MACROD2: variants seen among roughly 807,000 people sequenced by gnomAD.
MACROD2 encodes ADP-ribose glycohydrolase MACROD2.
MACROD2 carries 36 observed loss-of-function variants against 70.4 expected under a neutral mutation model. The ratio of observed to expected loss-of-function variants is 0.51; its 90% CI spans 0.39 to 0.68. The LOEUF is 0.68. Among genes scored for constraint, MACROD2 ranks in the 30% least tolerant of loss-of-function variants. MACROD2 has a pLI of 0.00. For synonymous variants in MACROD2, 172 were observed against 178.8 expected, an observed-to-expected ratio of 0.96 and a Z score of 0.30; for missense variants, 496 against 538.4, an observed-to-expected ratio of 0.92 and a Z score of 0.78.
intron 2 of MACROD2, among the ~76,000 whole-genome samples, chr20:14,049,693 C>T (rs917224748): frequency 6.6e-6 from 1 of 151,076 alleles, no homozygotes; most frequent in African/African-American, 2.4e-5. Flanking sequence ...GCAGAGGTTA[C>T]AGTGAGCCGA....
chr20:15,801,562 A>C (rs2063727061), intron 8 of MACROD2, among the ~76,000 whole-genome samples: 1 of 151,826 alleles, frequency 6.6e-6, no homozygotes, highest in South Asian at 2.1e-4. Flanking sequence ...TAATCTACGC[A>C]TCTGTTTTTA....
chr20:15,747,100 T>A (rs2051195113), intron 8 of MACROD2, among the ~76,000 whole-genome samples: 1 of 152,122 alleles, frequency 6.6e-6, no homozygotes, highest in Non-Finnish European at 1.5e-5. Flanking sequence ...TGGAAGGTAT[T>A]GAGTACTGAG....
intron 13 of MACROD2, among the ~76,000 whole-genome samples, chr20:15,984,633 C>A (rs1258498654): frequency 1.4e-5 from 1 of 69,076 alleles, no homozygotes; most frequent in Non-Finnish European, 3.7e-5. Flanking sequence ...ATTTTGCCTC[C>A]CCCCCCCGCC....
intron 8 of MACROD2, among the ~76,000 whole-genome samples, chr20:15,607,366 A>G (rs925166322): frequency 6.6e-6 from 1 of 152,208 alleles, no homozygotes; most frequent in African/African-American, 2.4e-5. Flanking sequence ...TGCTTGGGAA[A>G]TTGCAGAGAT....
intron 8 of MACROD2, among the ~76,000 whole-genome samples, chr20:15,616,737 C>T (rs1389178622): frequency 3.3e-5 from 5 of 152,302 alleles, no homozygotes; most frequent in South Asian, 2.1e-4. Flanking sequence ...TAGTAAAACT[C>T]TTCTTCCAGT....
At chr20:14,619,674 C>T (rs1319798303) in intron 4 of MACROD2, among the ~76,000 whole-genome samples, 7 of 152,034 alleles carry the variant, frequency 4.6e-5, no homozygotes, top group Non-Finnish European at 7.4e-5. Context: ...TCTTTTGGAG[C>T]TTATTGATAA....
At chr20:15,616,554 C>A (rs1250510968) in intron 8 of MACROD2, among the ~76,000 whole-genome samples, 1 of 152,164 alleles carries the variant, frequency 6.6e-6, no homozygotes, top group Non-Finnish European at 1.5e-5. Context: ...CCTCAGCAGG[C>A]CTGTTACTCT....
At chr20:15,460,317 C>T (rs187980878) in intron 7 of MACROD2, among the ~76,000 whole-genome samples, 6 of 152,146 alleles carry the variant, frequency 3.9e-5, no homozygotes, top group East Asian at 1.9e-4. Flanking sequence ...ACATCCTTCA[C>T]CCTGGCAGTG....
chr20:15,162,530 G>T (rs1284875596), intron 5 of MACROD2, among the ~76,000 whole-genome samples: 1 of 152,072 alleles, frequency 6.6e-6, no homozygotes, highest in African/African-American at 2.4e-5. Flanking sequence ...CTAAAACTCA[G>T]AATTCTTCTT....
intron 12 of MACROD2, among the ~76,000 whole-genome samples, chr20:15,959,889 T>C: frequency 6.6e-6 from 1 of 152,154 alleles, no homozygotes; most frequent in East Asian, 1.9e-4. Flanking sequence ...TTAAAGTACA[T>C]ATACACATTA....
At chr20:15,317,921 A>T (rs2077831584) in intron 6 of MACROD2, among the ~76,000 whole-genome samples, 1 of 152,066 alleles carries the variant, frequency 6.6e-6, no homozygotes, top group Admixed American at 6.6e-5. Flanking sequence ...GTTTGGCCAA[A>T]TGTCTGGGAC....
chr20:14,460,196 G>A (rs1458118591), intron 3 of MACROD2, among the ~76,000 whole-genome samples: 1 of 152,098 alleles, frequency 6.6e-6, no homozygotes, highest in Non-Finnish European at 1.5e-5. Flanking sequence ...ACGTGTGCAT[G>A]TGTCTTTATA....
intron 3 of MACROD2, among the ~76,000 whole-genome samples, chr20:14,363,848 A>AATAAGATT (rs1233093831): frequency 3.9e-5 from 5 of 127,098 alleles, no homozygotes; most frequent in African/African-American, 1.5e-4. Context: ...AAAAAAAAAA[A>AATAAGATT]ATAAGATTAT....
intron 8 of MACROD2, among the ~76,000 whole-genome samples, chr20:15,696,440 G>A (rs1478998290): frequency 6.6e-6 from 1 of 152,176 alleles, no homozygotes. Flanking sequence ...GTTGGATTCA[G>A]TTAGCTTGTA....
rs114308835 is a variant in MACROD2 at position 14,368,406 on chromosome 20, G to A, written c.272-125073G>A. On this transcript the variant is annotated intron_variant, in intron 3 of 17. Coordinates refer to ENST00000684519, the MANE Select transcript of MACROD2 (RefSeq NM_001351661.2). ...GAAATACCAAAAATTAGCTGAGTGC[G>A]GTGGCGGGTGCCTGTAGTCCCAGCT... Among the ~76,000 whole-genome samples, 1,508 of 152,178 alleles carry A rather than the reference G, an allele frequency of 9.9e-3. 17 individuals are homozygous for A. The highest frequency in any genetic ancestry group is 0.026 in the African/African-American group (1,076 of 41,532).
chr20:15,281,497 A>C (rs1024650103), intron 6 of MACROD2, among the ~76,000 whole-genome samples: 16 of 152,196 alleles, frequency 1.1e-4, no homozygotes, highest in African/African-American at 3.9e-4. Context: ...GAAATTGGCC[A>C]AAACAAAGAG....
At chr20:14,502,502 T>A (rs1224419239) in intron 4 of MACROD2, among the ~76,000 whole-genome samples, 3 of 152,202 alleles carry the variant, frequency 2.0e-5, no homozygotes, top group African/African-American at 7.2e-5. Context: ...TTTTGTATAC[T>A]AGTTTCCTGT....
At chr20:14,584,309 G>A (rs1981230667) in intron 4 of MACROD2, among the ~76,000 whole-genome samples, 1 of 151,878 alleles carries the variant, frequency 6.6e-6, no homozygotes, top group East Asian at 2.0e-4. Context: ...CACCAATTTT[G>A]TATTAAGCTA....
At chr20:14,925,385 T>C (rs959182975) in intron 5 of MACROD2, among the ~76,000 whole-genome samples, 3 of 152,162 alleles carry the variant, frequency 2.0e-5, no homozygotes, top group African/African-American at 2.4e-5. Context: ...ATAATACTTA[T>C]CCACTGCACC....
Sources: allele counts gnomAD v4.1 joint callset (sites outside exome capture counted in the v4.1 genomes callset), GRCh38; gene constraint gnomAD v4.1.1; transcripts MANE v1.5; gene names NCBI Gene and HGNC (gene_info 2026-07-23, HGNC 2026-07-21).